OXR1: variants seen among roughly 807,000 people sequenced by gnomAD.
The protein encoded by OXR1 is oxidation resistance 1.
A neutral mutation model predicts 104.6 loss-of-function variants in OXR1; 41 were observed. That is an observed-to-expected ratio of 0.39 (90% CI 0.31 to 0.51). OXR1 has a LOEUF of 0.51. Ranked by LOEUF, OXR1 falls within the 20% of genes least tolerant of loss-of-function variation. OXR1 has a pLI of 0.77. For synonymous variants in OXR1, 348 were observed against 348.4 expected (o/e 1.00, Z 0.01); for missense variants, 955 against 1,031.9 (o/e 0.93, Z 1.02).
At chr8:106,429,231 A>T (rs373050549) in intron 2 of OXR1, among the ~76,000 whole-genome samples, 1 of 152,036 alleles carries the variant, frequency 6.6e-6, no homozygotes, top group Non-Finnish European at 1.5e-5. Context: ...TGGCCCCCCA[A>T]TCTGACTCTC....
At chr8:106,485,091 T>A (rs1810555087) in intron 2 of OXR1, among the ~76,000 whole-genome samples, 1 of 152,020 alleles carries the variant, frequency 6.6e-6, no homozygotes, top group African/African-American at 2.4e-5. Flanking sequence ...TACTGTATGA[T>A]TGAAACTATA....
At chr8:106,744,192 A>T (rs1835186856) in intron 15 of OXR1, among the ~76,000 whole-genome samples, 1 of 152,192 alleles carries the variant, frequency 6.6e-6, no homozygotes, top group South Asian at 2.1e-4. Context: ...CTGCACATGT[A>T]CTCCTGAACT....
At chr8:106,399,041 T>C (rs181974702) in intron 2 of OXR1, among the ~76,000 whole-genome samples, 54 of 152,286 alleles carry the variant, frequency 3.5e-4, no homozygotes, top group Non-Finnish European at 4.7e-4. Context: ...CTGTCTTTAT[T>C]TATTTGTACT....
intron 3 of OXR1, among the ~76,000 whole-genome samples, chr8:106,585,273 T>G (rs922563611): frequency 3.9e-5 from 6 of 152,068 alleles, no homozygotes; most frequent in African/African-American, 1.4e-4. Context: ...AAATTCTATC[T>G]AAAAACAAGA....
intron 2 of OXR1, among the ~76,000 whole-genome samples, chr8:106,480,262 T>C (rs1177530810): frequency 6.6e-6 from 1 of 151,990 alleles, no homozygotes; most frequent in Admixed American, 6.6e-5. Flanking sequence ...TCTGATCTCT[T>C]TTTTTTCTGC....
intron 2 of OXR1, among the ~76,000 whole-genome samples, chr8:106,468,651 C>T (rs1287293832): frequency 1.3e-5 from 2 of 151,678 alleles, no homozygotes; most frequent in African/African-American, 4.8e-5. Flanking sequence ...TTTTGTTTGT[C>T]ACTGAAAGTT....
intron 3 of OXR1, among the ~76,000 whole-genome samples, chr8:106,655,689 A>G (rs1824993695): frequency 6.6e-6 from 1 of 152,224 alleles, no homozygotes; most frequent in South Asian, 2.1e-4. Context: ...CTTTAGGATA[A>G]TGATGACAGT....
In OXR1 at chr8:106,505,635, G is replaced by A. The variant is rs573458564; in HGVS notation, c.24-13308G>A. Among the ~76,000 whole-genome samples, 208 of 152,296 alleles carry A rather than the reference G, an allele frequency of 1.4e-3. 2 individuals carry two copies. The highest frequency in any genetic ancestry group is 3.4e-3 in the Middle Eastern group (1 of 294). On this transcript the variant is annotated intron_variant, in intron 2 of 16. Transcript: ENST00000517566. ...ATTGTAGGGATGGTCTTTCAGAGGA[G>A]ACTTAAAAAATAAGAAGCAATCAGC...
chr8:106,679,014 A>C (rs1225428751), intron 3 of OXR1, among the ~76,000 whole-genome samples, 196 bp from the exon 4 acceptor site: 2 of 151,942 alleles, frequency 1.3e-5, no homozygotes, highest in Non-Finnish European at 2.9e-5. Flanking sequence ...CATACTAGTT[A>C]AGTTCCTAAA....
At chr8:106,671,072 G>GAAAAAAAAAAAAA (rs1826919003) in intron 3 of OXR1, among the ~76,000 whole-genome samples, 1 of 105,584 alleles carries the variant, frequency 9.5e-6, no homozygotes, top group African/African-American at 4.6e-5. Context: ...AAGAATGGCT[G>GAAAAAAAAAAAAA]AAAACGTCCA....
chr8:106,476,456 G>A (rs1301817839), intron 2 of OXR1, among the ~76,000 whole-genome samples: 1 of 151,902 alleles, frequency 6.6e-6, no homozygotes, highest in East Asian at 1.9e-4. Flanking sequence ...GAGGTTAGCA[G>A]CTTTATAGAT....
intron 3 of OXR1, among the ~76,000 whole-genome samples, chr8:106,591,460 C>T (rs929771072): frequency 1.4e-5 from 2 of 138,924 alleles, no homozygotes; most frequent in Non-Finnish European, 3.1e-5. Context: ...AAAAAAAGAA[C>T]TAAGTAGGAG....
At chr8:106,552,433 A>G (rs905524654) in intron 3 of OXR1, among the ~76,000 whole-genome samples, 3 of 152,160 alleles carry the variant, frequency 2.0e-5, no homozygotes, top group African/African-American at 7.2e-5. Flanking sequence ...TATGCTTTCT[A>G]TTCTTAGGCA....
chr8:106,723,929 AC>A (rs2131475833), intron 11 of OXR1, among the ~76,000 whole-genome samples: 1 of 151,696 alleles, frequency 6.6e-6, no homozygotes, highest in South Asian at 2.1e-4. Context: ...AGATGGGACT[AC>A]AGGTATGTGC....
intron 2 of OXR1, among the ~76,000 whole-genome samples, chr8:106,462,351 T>A (rs1820958507): frequency 6.6e-6 from 1 of 152,210 alleles, no homozygotes; most frequent in Non-Finnish European, 1.5e-5. Flanking sequence ...ATTATGTTGT[T>A]CCTCTTAATT....
At chr8:106,481,159 T>C (rs75041171) in intron 2 of OXR1, among the ~76,000 whole-genome samples, 1,891 of 152,132 alleles carry the variant, frequency 0.012, 29 homozygotes, top group East Asian at 0.079. Flanking sequence ...AGTGCTTTAG[T>C]AAAACATACT....
chr8:106,705,561 C>CT (rs1210817534), intron 8 of OXR1, among the ~76,000 whole-genome samples: 1 of 152,070 alleles, frequency 6.6e-6, no homozygotes, highest in African/African-American at 2.4e-5. Flanking sequence ...AATGTTAATG[C>CT]TTTTTTCATT....
At chr8:106,334,352 A>C (rs1467496937) in intron 1 of OXR1, among the ~76,000 whole-genome samples, 1 of 151,944 alleles carries the variant, frequency 6.6e-6, no homozygotes, top group Non-Finnish European at 1.5e-5. Flanking sequence ...TCTAATAGTT[A>C]TTTCTTTGTG....
At chr8:106,365,351 C>G (rs1182528250) in intron 2 of OXR1, among the ~76,000 whole-genome samples, 1 of 147,688 alleles carries the variant, frequency 6.8e-6, no homozygotes, top group Non-Finnish European at 1.5e-5. Context: ...TGGAAATGGT[C>G]AGCTTGTAAA....
Sources: allele counts gnomAD v4.1 joint callset (sites outside exome capture counted in the v4.1 genomes callset), GRCh38; gene constraint gnomAD v4.1.1; transcripts MANE v1.5; gene names NCBI Gene and HGNC (gene_info 2026-07-23, HGNC 2026-07-21).